The following RARB variants were observed in gnomAD, a reference collection of about 807,000 sequenced individuals.
The protein encoded by RARB is retinoic acid receptor beta.
A neutral mutation model predicts 51.9 loss-of-function variants in RARB; 17 were observed. That is an observed-to-expected ratio of 0.33 (90% CI 0.22 to 0.49). RARB has a LOEUF of 0.49. Ranked by LOEUF, RARB falls within the 20% of genes least tolerant of loss-of-function variation. RARB has a pLI of 0.99. For synonymous variants in RARB, 215 were observed against 195.4 expected (o/e 1.10, Z -0.84); for missense variants, 369 against 550.8 (o/e 0.67, Z 3.30).
intron 5 of RARB, among the ~76,000 whole-genome samples, chr3:25,179,034 C>T (rs750615689): frequency 5.9e-5 from 9 of 152,126 alleles, no homozygotes; most frequent in Non-Finnish European, 1.3e-4. Context: ...AATGCGAATT[C>T]TTTTCCCCTT....
chr3:24,980,490 C>G (rs959678423), intron 2 of RARB, among the ~76,000 whole-genome samples: 1 of 152,084 alleles, frequency 6.6e-6, no homozygotes, highest in African/African-American at 2.4e-5. Flanking sequence ...CTAATCTTGT[C>G]TTCTCACTTT....
At chr3:25,198,587 A>G (rs1286387027) in intron 5 of RARB, among the ~76,000 whole-genome samples, 1 of 152,138 alleles carries the variant, frequency 6.6e-6, no homozygotes, top group African/African-American at 2.4e-5. Flanking sequence ...TAGTATTCCT[A>G]TAAATAGGAG....
At chr3:25,487,557 A>G (rs1028361471) in intron 2 of RARB, among the ~76,000 whole-genome samples, 1 of 152,050 alleles carries the variant, frequency 6.6e-6, no homozygotes, top group African/African-American at 2.4e-5. Context: ...CATTAAGATA[A>G]CAAGATGAGA....
At chr3:25,115,008 G>A (rs938308976) in intron 3 of RARB, among the ~76,000 whole-genome samples, 2 of 152,164 alleles carry the variant, frequency 1.3e-5, no homozygotes, top group Non-Finnish European at 2.9e-5. Context: ...GCTCAAGGAT[G>A]ATAATTACTT....
intron 5 of RARB, among the ~76,000 whole-genome samples, chr3:25,184,133 G>GTTT (rs760019529): frequency 7.3e-6 from 1 of 137,536 alleles, no homozygotes; most frequent in Non-Finnish European, 1.6e-5. Flanking sequence ...TACAGAGTTT[G>GTTT]TTGTTTTTTT....
chr3:25,298,094 G>A (rs1703959163), intron 5 of RARB, among the ~76,000 whole-genome samples: 1 of 152,102 alleles, frequency 6.6e-6, no homozygotes, highest in Non-Finnish European at 1.5e-5. Flanking sequence ...GTTCAGGGTA[G>A]GGGGAATAGT....
chr3:25,178,559 G>T (rs1394400089), intron 5 of RARB, among the ~76,000 whole-genome samples: 1 of 151,916 alleles, frequency 6.6e-6, no homozygotes, highest in African/African-American at 2.4e-5. Context: ...GCCTTTCCCA[G>T]TGTTTTGGGC....
intron 1 of RARB, among the ~76,000 whole-genome samples, chr3:25,455,685 C>G (rs1694872792): frequency 6.6e-6 from 1 of 152,198 alleles, no homozygotes; most frequent in African/African-American, 2.4e-5. Context: ...GCTGACTGTG[C>G]TCTGGGCGGG....
At chr3:25,163,615 G>A (rs1324030649) in intron 4 of RARB, among the ~76,000 whole-genome samples, 1 of 150,376 alleles carries the variant, frequency 6.6e-6, no homozygotes, top group Admixed American at 6.6e-5. Context: ...TCCACATCAA[G>A]GAACACACAG....
chr3:25,293,032 A>G (rs1263953010), intron 5 of RARB, among the ~76,000 whole-genome samples: 3 of 152,060 alleles, frequency 2.0e-5, no homozygotes, highest in Admixed American at 6.6e-5. Flanking sequence ...GTTATTTTTA[A>G]TTTTTTTCCT....
chr3:25,001,916 C>T (rs1299982609), intron 2 of RARB, among the ~76,000 whole-genome samples: 1 of 151,968 alleles, frequency 6.6e-6, no homozygotes, highest in East Asian at 1.9e-4. Flanking sequence ...TAGCTAGGAC[C>T]ACAGGAACCC....
At chr3:25,272,104 T>C (rs1703269218) in intron 5 of RARB, among the ~76,000 whole-genome samples, 1 of 152,252 alleles carries the variant, frequency 6.6e-6, no homozygotes, top group African/African-American at 2.4e-5. Flanking sequence ...GTGCTAGTGG[T>C]AACCATATTA....
chr3:24,845,834 C>G (rs928780364), intron 1 of RARB, among the ~76,000 whole-genome samples: 3 of 152,080 alleles, frequency 2.0e-5, no homozygotes, highest in African/African-American at 7.2e-5. Flanking sequence ...AATCCAGAGT[C>G]GATTTCCTGT....
intron 5 of RARB, among the ~76,000 whole-genome samples, chr3:25,188,033 T>C (rs928197145): frequency 6.6e-6 from 1 of 152,086 alleles, no homozygotes; most frequent in Non-Finnish European, 1.5e-5. Flanking sequence ...CATGGAAATA[T>C]TCAATGGGAT....
chr3:24,943,837 G>T (rs1390482441), intron 2 of RARB, among the ~76,000 whole-genome samples: 6 of 152,106 alleles, frequency 3.9e-5, no homozygotes, highest in African/African-American at 1.4e-4. Flanking sequence ...CATTCAGTGA[G>T]GTCAATTGTC....
intron 5 of RARB, among the ~76,000 whole-genome samples, chr3:25,353,113 T>A (rs1346412454): frequency 6.6e-6 from 1 of 151,904 alleles, no homozygotes; most frequent in Non-Finnish European, 1.5e-5. Context: ...GTTTTCATCA[T>A]CAACACACAG....
At chr3:25,244,862 A>G (rs1702519514) in intron 5 of RARB, among the ~76,000 whole-genome samples, 1 of 152,184 alleles carries the variant, frequency 6.6e-6, no homozygotes, top group Non-Finnish European at 1.5e-5. Context: ...AGTCCCAAAT[A>G]TCCTTGTTAA....
chr3:25,210,553 T>TGTTTTTTTTTTTTTTTTTTTGA (rs1701670992), intron 5 of RARB, among the ~76,000 whole-genome samples: 1 of 82,498 alleles, frequency 1.2e-5, no homozygotes, highest in Non-Finnish European at 2.4e-5. Context: ...TTTTTTTTTT[T>TGTTTTTTTTTTTTTTTTTTTGA]GAGATTGAGT....
intron 3 of RARB, among the ~76,000 whole-genome samples, chr3:25,502,650 C>T (rs143846317): frequency 2.0e-5 from 3 of 152,280 alleles, no homozygotes; most frequent in Admixed American, 6.5e-5. Context: ...CAGCCGCATG[C>T]GTGAACATGT....
Sources: allele counts gnomAD v4.1 joint callset (sites outside exome capture counted in the v4.1 genomes callset), GRCh38; gene constraint gnomAD v4.1.1; transcripts MANE v1.5; gene names NCBI Gene and HGNC (gene_info 2026-07-23, HGNC 2026-07-21).